The following COBLL1 variants were observed in gnomAD, a reference collection of about 807,000 sequenced individuals.
COBLL1 encodes cordon-bleu WH2 repeat protein like 1.
In COBLL1, 50 loss-of-function variants were observed where a neutral mutation model predicts 94.8. The observed-to-expected ratio is 0.53, with a 90% CI of 0.42 to 0.67. The LOEUF (loss-of-function observed/expected upper bound fraction) is 0.67, where lower values mean the gene tolerates loss of function less well. Ranked by LOEUF, COBLL1 falls within the 30% of genes least tolerant of loss-of-function variation. The probability of loss-of-function intolerance (pLI) is 0.00; values close to 1 mark genes in which losing one functional copy is unlikely to be tolerated. For missense variants in COBLL1, 1,362 were observed against 1,348.7 expected (o/e 1.01, Z -0.15); for synonymous variants, 448 against 473.8 (o/e 0.95, Z 0.71).
intron 2 of COBLL1, among the ~76,000 whole-genome samples, chr2:164,826,180 A>G (rs1381283559): frequency 6.6e-6 from 1 of 152,258 alleles, no homozygotes; most frequent in Non-Finnish European, 1.5e-5. Flanking sequence ...CGAGGAAGTT[A>G]CAATCACCTT....
intron 2 of COBLL1, among the ~76,000 whole-genome samples, chr2:164,751,944 T>C (rs972096009): frequency 2.0e-5 from 3 of 152,256 alleles, no homozygotes; most frequent in Middle Eastern, 3.4e-3. Context: ...CTTTGACCAA[T>C]GAGAATTATG....
rs1574403700 is a variant in COBLL1 at position 164,685,460 on chromosome 2, A to G, written c.*486T>C. 6.6e-6 allele frequency: 1 copy of G among 152,294 alleles called. No individual in the cohort carries two copies. The highest frequency in any genetic ancestry group is 1.5e-5 in the Non-Finnish European group (1 of 68,056). 9.4% of individuals were successfully genotyped at this position (152,294 alleles called of 1,614,324 possible). Reference sequence around the variant, plus strand: ...ATTGAACTGAATATACTTATTTGGTATCACTAGTTTTCTAAATCATTCTTT... The same window carrying G: ...ATTGAACTGAATATACTTATTTGGTGTCACTAGTTTTCTAAATCATTCTTT... On this transcript the variant is annotated 3_prime_UTR_variant, in exon 14 of 14. Coordinates refer to ENST00000652658, the MANE Select transcript of COBLL1 (RefSeq NM_001365672.2).
At chr2:164,678,989 A>G (rs575079608), downstream of COBLL1, among the ~76,000 whole-genome samples, 1 of 152,290 alleles carries the variant, frequency 6.6e-6, no homozygotes, top group African/African-American at 2.4e-5. Context: ...GCATGCCCTC[A>G]GAGTCTTTCC....
At chr2:164,799,980 G>T (rs998416803) in intron 2 of COBLL1, among the ~76,000 whole-genome samples, 4 of 152,082 alleles carry the variant, frequency 2.6e-5, no homozygotes, top group African/African-American at 9.7e-5. Context: ...ATGAAAAGCT[G>T]TAAAACTTTA....
intron 1 of COBLL1, among the ~76,000 whole-genome samples, chr2:164,667,524 G>A (rs1691181070): frequency 6.6e-6 from 1 of 152,190 alleles, no homozygotes; most frequent in African/African-American, 2.4e-5. Flanking sequence ...GTTATTTAGT[G>A]TAGCCCCGCC....
At chr2:164,817,376 A>AAAG (rs1332420778) in intron 2 of COBLL1, among the ~76,000 whole-genome samples, 1 of 146,306 alleles carries the variant, frequency 6.8e-6, no homozygotes, top group African/African-American at 2.5e-5. Flanking sequence ...AAAAAAAAAA[A>AAAG]AAGAAGAAGA....
At position 164,841,474 on chromosome 2, in the gene COBLL1, A is replaced by G. The variant is rs1379752513; in HGVS notation, c.-50-228T>C. ...ACGGCGGAGGAGGCGGTGGCGCTGC[A>G]GCCCCCGCCCCGTGGGGTTTACTGG... On this transcript the variant is annotated intron_variant, in intron 1 of 13. Transcript: ENST00000652658. The surrounding 1 kb of genome is among the most constrained non-coding windows in gnomAD (Gnocchi z 5.5). The G allele has an allele frequency of 5.3e-6, 6 of 1,133,048 alleles. No individual in the cohort carries two copies. In the Admixed American group the frequency reaches 1.5e-4, roughly 27 times the overall value. The allele number at this position is 1,133,048 out of a possible 1,614,324, so 70.2% of individuals were successfully genotyped here.
At chr2:164,678,222 T>C (rs1691370225), downstream of COBLL1, among the ~76,000 whole-genome samples, 1 of 152,110 alleles carries the variant, frequency 6.6e-6, no homozygotes, top group Non-Finnish European at 1.5e-5. Flanking sequence ...TTACAGTAAT[T>C]AAGACAGTAA....
At position 164,694,506 on chromosome 2, in the gene COBLL1, C is replaced by T; in HGVS notation, c.2886G>A (p.Gln962=). The change falls in exon 12 of 14, where the codon CAG becomes CAA. Residue 962 remains glutamine, a synonymous_variant. Coordinates refer to ENST00000652658, the MANE Select transcript of COBLL1 (RefSeq NM_001365672.2). The part of the protein sequence containing the change: ...APKPVTIPAS[Q]VSTQNLKTLK... ...AAGTCTTCAGATTTTGTGTGGATACCTGACTAGCAGGAATTGTCACAGGTT... is the reference window on the plus strand; with the variant it reads ...AAGTCTTCAGATTTTGTGTGGATACTTGACTAGCAGGAATTGTCACAGGTT... 6.2e-7 allele frequency: 1 copy of T among 1,613,944 alleles called. No individual in the cohort carries two copies. The highest frequency in any genetic ancestry group is 8.5e-7 in the Non-Finnish European group (1 of 1,179,928).
rs549513562 is a variant in COBLL1, at chr2:164,694,474, G to T, written c.2918C>A (p.Thr973Asn). 1.2e-6 allele frequency: 2 copies of T among 1,613,962 alleles called. No homozygotes were observed. Among genetic ancestry groups the T allele is most frequent in the East Asian group, 2.2e-5 (1 of 44,862 alleles). ...TGAGTATGGTCGTGGGGCACCAAAAGTTTTCAAAGTCTTCAGATTTTGTGT... is the reference window on the plus strand; with the variant it reads ...TGAGTATGGTCGTGGGGCACCAAAATTTTTCAAAGTCTTCAGATTTTGTGT... ...VSTQNLKTLK[T>N]FGAPRPYSSS... Residue 973 changes from threonine (T) to asparagine (N), a missense_variant, in exon 12 of 14, where the codon ACT (threonine) becomes AAT (asparagine). Physicochemically the swap from Thr to Asn is moderately conservative, Grantham distance 65. Transcript: ENST00000652658.
At chr2:164,728,633 T>A (rs868680920) in intron 4 of COBLL1, among the ~76,000 whole-genome samples, 94 of 152,160 alleles carry the variant, frequency 6.2e-4, no homozygotes, top group African/African-American at 2.1e-3. Flanking sequence ...TTTGGTTAAG[T>A]CACTAAAATT....
At chr2:164,686,906 A>ATT (rs1036656790) in intron 13 of COBLL1, among the ~76,000 whole-genome samples, 2 of 152,324 alleles carry the variant, frequency 1.3e-5, no homozygotes, top group Middle Eastern at 3.4e-3. Context: ...ATGGCCACAG[A>ATT]TTTTCCTATT....
At chr2:164,798,039 C>A (rs1683560427) in intron 2 of COBLL1, among the ~76,000 whole-genome samples, 1 of 152,124 alleles carries the variant, frequency 6.6e-6, no homozygotes, top group Non-Finnish European at 1.5e-5. Flanking sequence ...GCTTGGCATA[C>A]CTAAAACAAA....
intron 7 of COBLL1, among the ~76,000 whole-genome samples, chr2:164,709,828 C>T (rs553846178): frequency 2.6e-5 from 4 of 152,230 alleles, no homozygotes; most frequent in Admixed American, 2.0e-4. Flanking sequence ...CTGGAACTTA[C>T]GCTGTTAATA....
At chr2:164,721,596 T>C (rs1002876163) in intron 7 of COBLL1, among the ~76,000 whole-genome samples, 8 of 152,220 alleles carry the variant, frequency 5.3e-5, no homozygotes, top group African/African-American at 1.9e-4. Flanking sequence ...GGAGTATCTA[T>C]GTACTAGGTA....
At chr2:164,688,068 T>C (rs1290490479) in intron 13 of COBLL1, among the ~76,000 whole-genome samples, 1 of 152,122 alleles carries the variant, frequency 6.6e-6, no homozygotes. Flanking sequence ...TATATGAATA[T>C]ATATATAAAC....
intron 4 of COBLL1, among the ~76,000 whole-genome samples, chr2:164,728,870 T>C (rs79392676): frequency 0.015 from 2,213 of 152,128 alleles, 48 homozygotes; most frequent in African/African-American, 0.05. Flanking sequence ...ATTTTAAGCG[T>C]CTCATCATTT....
intron 2 of COBLL1, among the ~76,000 whole-genome samples, chr2:164,756,084 A>G (rs1687387934): frequency 7.7e-6 from 1 of 129,244 alleles, no homozygotes; most frequent in Admixed American, 7.6e-5. Flanking sequence ...TGAGGGAGGG[A>G]GGGAGGGAGA....
intron 2 of COBLL1, among the ~76,000 whole-genome samples, chr2:164,769,040 G>A (rs1399381366): frequency 6.6e-6 from 1 of 152,144 alleles, no homozygotes; most frequent in Non-Finnish European, 1.5e-5. Flanking sequence ...GTTTAATGCT[G>A]TGTCTTGAAG....
Sources: gnomAD v4.1 joint callset for allele counts (sites outside exome capture counted in the v4.1 genomes callset) on GRCh38, gnomAD v4.1.1 for gene constraint, Gnocchi (gnomAD v3.1) non-coding constraint, MANE v1.5 for transcripts, NCBI Gene and HGNC (gene_info 2026-07-23, HGNC 2026-07-21) for gene names.